The following ZNF445 variants were observed in gnomAD, a reference collection of about 807,000 sequenced individuals.
ZNF445 encodes zinc finger protein 168.
In ZNF445, 19 loss-of-function variants were observed where a neutral mutation model predicts 93.9. The ratio of observed to expected loss-of-function variants is 0.20; its 90% confidence interval spans 0.14 to 0.30. ZNF445 has a LOEUF of 0.30. Ranked by LOEUF, ZNF445 falls within the 10% of genes least tolerant of loss-of-function variation. The pLI is 1.00. For missense variants in ZNF445, 1,058 were observed against 1,259.4 expected (o/e 0.84, Z 2.42); for synonymous variants, 449 against 446.3 (o/e 1.01, Z -0.08).
chr3:44,455,730 T>C (rs1275794191), intron 2 of ZNF445, 34 bp from the exon 3 acceptor site: 2 of 600,136 alleles, frequency 3.3e-6, no homozygotes, highest in African/African-American at 1.9e-5. Flanking sequence ...TAATGTCCAT[T>C]ATACATGGTG....
chr3:44,455,056 C>A, intron 3 of ZNF445, 65 bp downstream of exon 3: 2 of 1,600,598 alleles, frequency 1.2e-6, no homozygotes, highest in Admixed American at 1.7e-5. Flanking sequence ...CCACCCCCAT[C>A]CCCAGACAAG....
rs942722205 is a variant in ZNF445, at chr3:44,460,351, A to T, written c.-268-1987T>A. On this transcript the variant is annotated intron_variant, in intron 1 of 7. Transcript: ENST00000396077. Reference sequence around the variant, plus strand: ...GAGATTAACAACCCTTTCCCAAAGCAGATCTCCTTCTTGCCTGGGGACTAG... The same window carrying T: ...GAGATTAACAACCCTTTCCCAAAGCTGATCTCCTTCTTGCCTGGGGACTAG... 4.6e-5 allele frequency among the ~76,000 whole-genome samples: 7 copies of T among 152,348 alleles called. No individual in the cohort carries two copies. In the East Asian group the frequency reaches 1.3e-3, roughly 29 times the overall value.
chr3:44,457,883 T>G (rs962641928), intron 2 of ZNF445, among the ~76,000 whole-genome samples: 6 of 151,770 alleles, frequency 4.0e-5, no homozygotes, highest in Admixed American at 3.9e-4. Context: ...CGTGATGGCA[T>G]GCGCCTGTAA....
At chr3:44,452,571 T>A (rs1319750127) in intron 3 of ZNF445, among the ~76,000 whole-genome samples, 1 of 152,350 alleles carries the variant, frequency 6.6e-6, no homozygotes, top group East Asian at 1.9e-4. Flanking sequence ...AGGTAGGCCC[T>A]TTCTGCTCAT....
chr3:44,442,065 A>G lies in ZNF445; in HGVS notation c.*4510T>C, dbSNP rs1423027268. 6.6e-6 allele frequency: 1 copy of G among 152,156 alleles called. No individual in the cohort carries two copies. The highest frequency in any genetic ancestry group is 1.5e-5 in the Non-Finnish European group (1 of 68,038). The allele number at this position is 152,156 out of a possible 1,614,324, so 9.4% of individuals were successfully genotyped here. ...TATCCCATTTTACAGAAAAAGTGAA[A>G]AACAAGTTGAAGTAACGTGCCCACA... On this transcript the variant is annotated 3_prime_UTR_variant, in exon 8 of 8. Transcript: ENST00000396077.
Position 44,447,021 on chromosome 3 carries a change from C to T in ZNF445, c.2650G>A (p.Val884Ile), listed in dbSNP as rs747399110. The change falls in exon 8 of 8, where the codon GTT becomes ATT. Residue 884 changes from valine to isoleucine, a missense_variant. Coordinates refer to ENST00000396077, the MANE Select transcript of ZNF445 (RefSeq NM_181489.6). The surrounding 1 kb of genome is among the most constrained non-coding windows in gnomAD (Gnocchi z 4.7). Reference protein sequence around the residue: ...GKSYDRNYRLVNHQRIHSTER... With the variant: ...GKSYDRNYRLINHQRIHSTER... ...GTAGAGTGGATCCTCTGATGGTTAACAAGGCGATAGTTTCTATCATAAGAT... is the reference window on the plus strand; with the variant it reads ...GTAGAGTGGATCCTCTGATGGTTAATAAGGCGATAGTTTCTATCATAAGAT... 6 of 1,614,198 alleles carry T rather than the reference C, an allele frequency of 3.7e-6. No homozygotes were observed. The highest frequency in any genetic ancestry group is 1.3e-5 in the African/African-American group (1 of 75,044).
Position 44,447,259 on chromosome 3 carries a change from A to T in ZNF445, c.2412T>A (p.Asn804Lys). The change falls in exon 8 of 8, where the codon AAT becomes AAA. Residue 804 changes from asparagine to lysine, a missense_variant. By Grantham distance (94) the Asn-to-Lys change is moderately conservative. Around this residue, in one of 3 missense-constraint regions of ZNF445, gnomAD observed 387 missense variants for 475.7 expected, o/e 0.81. Coordinates refer to ENST00000396077, the MANE Select transcript of ZNF445 (RefSeq NM_181489.6). This position sits in a 1 kb window ranked among gnomAD's most constrained non-coding sequence, Gnocchi z 4.7. ...AGTGAATCCTCTGATGTCGGTAGAG[A>T]TTGGAACTCCATCTGAAGGCTTTCC... Reference protein sequence around the residue: ...ECGKAFRWSSNLYRHQRIHSL... With the variant: ...ECGKAFRWSSKLYRHQRIHSL... 1 of 1,614,046 alleles carries T rather than the reference A, an allele frequency of 6.2e-7. No individual in the cohort carries two copies. Among genetic ancestry groups the T allele is most frequent in the Non-Finnish European group, 8.5e-7 (1 of 1,180,012 alleles).
chr3:44,449,301 G>A (rs1410594011), intron 7 of ZNF445, among the ~76,000 whole-genome samples: 2 of 152,092 alleles, frequency 1.3e-5, no homozygotes, highest in African/African-American at 4.8e-5. Flanking sequence ...CTGTGAGAAG[G>A]GGACAGGAGA....
chr3:44,436,557 CCTT>C lies in ZNF445; in HGVS notation c.*10015_*10017del, dbSNP rs1202421166. ...GATAAATACTCAAGCATTTTTATCT[CCTT>C]AAGCATTTACATATCTTCCTCTACA... is the stretch of plus-strand genomic sequence containing the variant. On this transcript the variant is annotated 3_prime_UTR_variant, in exon 8 of 8. Coordinates refer to ENST00000396077, the MANE Select transcript of ZNF445 (RefSeq NM_181489.6). The C allele has an allele frequency of 6.6e-6, 1 of 152,176 alleles. No homozygotes were observed. Among genetic ancestry groups the C allele is most frequent in the African/African-American group, 2.4e-5 (1 of 41,452 alleles). The allele number at this position is 152,176 out of a possible 1,614,324, so 9.4% of individuals were successfully genotyped here.
At position 44,435,372 on chromosome 3, in the gene ZNF445, A is replaced by G. The variant is rs1559385380; in HGVS notation, c.*11203T>C. ...CAAACCTGGGCCTGGCTCAGTAACA[A>G]CTGCAAACCAGTTGTCAGACGTATC... On this transcript the variant is annotated 3_prime_UTR_variant, in exon 8 of 8. Coordinates refer to ENST00000396077, the MANE Select transcript of ZNF445 (RefSeq NM_181489.6). The G allele has an allele frequency of 1.3e-5, 2 of 152,222 alleles. No homozygotes were observed. The highest frequency in any genetic ancestry group is 2.9e-5 in the Non-Finnish European group (2 of 68,042). The allele number at this position is 152,222 out of a possible 1,614,324, so 9.4% of individuals were successfully genotyped here.
In ZNF445 at chr3:44,447,483, T is replaced by G. The variant is rs761291533; in HGVS notation, c.2188A>C (p.Lys730Gln). Residue 730 changes from lysine to glutamine, a missense_variant, in exon 8 of 8, where the codon AAG (lysine) becomes CAG (glutamine). Coordinates refer to ENST00000396077, the MANE Select transcript of ZNF445 (RefSeq NM_181489.6). This position sits in a 1 kb window ranked among gnomAD's most constrained non-coding sequence, Gnocchi z 4.7. ...TCAGGTTTTCTTTTCATGGCATGCT[T>G]CTTCTTATGAACAATAAAGGCTGAC... ...YRSAFIVHKK[K>Q]HAMKRKPEGG... 1.8e-5 allele frequency: 29 copies of G among 1,614,086 alleles called. No individual in the cohort carries two copies. The highest frequency in any genetic ancestry group is 2.3e-5 in the Non-Finnish European group (27 of 1,180,040).
intron 1 of ZNF445, among the ~76,000 whole-genome samples, chr3:44,464,063 T>C (rs1390639832): frequency 6.6e-6 from 1 of 151,992 alleles, no homozygotes; most frequent in Non-Finnish European, 1.5e-5. Flanking sequence ...GAAGTGGAGG[T>C]TGCAGTGAGC....
chr3:44,466,814 T>C (rs1432427736), intron 1 of ZNF445, among the ~76,000 whole-genome samples: 2 of 152,266 alleles, frequency 1.3e-5, no homozygotes, highest in African/African-American at 4.8e-5. Context: ...TTTGTTTAAA[T>C]ATGTTATCAG....
chr3:44,446,204 C>A lies in ZNF445; in HGVS notation c.*371G>T. On this transcript the variant is annotated 3_prime_UTR_variant, in exon 8 of 8. Coordinates refer to ENST00000396077, the MANE Select transcript of ZNF445 (RefSeq NM_181489.6). The surrounding 1 kb of genome is among the most constrained non-coding windows in gnomAD (Gnocchi z 4.2). Reference sequence around the variant, plus strand: ...GAAGACAAATCTAGGATCCCACTGGCCCCTTTCCAGCAGCCATAGCCCATG... The same window carrying A: ...GAAGACAAATCTAGGATCCCACTGGACCCTTTCCAGCAGCCATAGCCCATG... The A allele has an allele frequency of 4.3e-6, 1 of 234,014 alleles. No individual in the cohort carries two copies. The highest frequency in any genetic ancestry group is 8.4e-6 in the Non-Finnish European group (1 of 119,432). 14.5% of individuals were successfully genotyped at this position (234,014 alleles called of 1,614,324 possible). A position where few individuals can be genotyped will look rare whatever the true frequency, so the allele number is the denominator to read the frequency against.
Position 44,451,371 on chromosome 3 carries a change from C to T in ZNF445, c.541G>A (p.Asp181Asn), listed in dbSNP as rs2125679554. The T allele has an allele frequency of 2.5e-6, 4 of 1,614,148 alleles. No homozygotes were observed. The highest frequency in any genetic ancestry group is 1.1e-5 in the South Asian group (1 of 91,078). ...SPLRSSSALG[D>N]HLEPPYEIEA... ...ATTTCATAGGGAGGCTCCAGGTGGT[C>T]CCCCAGAGCAGAGCTGCTCCTGAGA... Residue 181 changes from aspartate (D) to asparagine (N), a missense_variant, in exon 4 of 8, where the codon GAC (aspartate) becomes AAC (asparagine). Physicochemically the swap from Asp to Asn is conservative, Grantham distance 23. This residue lies in a region of ZNF445 where 657 missense variants were observed against 746.4 expected (regional missense o/e 0.88). Coordinates refer to ENST00000396077, the MANE Select transcript of ZNF445 (RefSeq NM_181489.6).
In ZNF445 at chr3:44,447,638, T is replaced by C. The variant is rs1322929540; in HGVS notation, c.2033A>G (p.Glu678Gly). 6 of 1,613,990 alleles carry C rather than the reference T, an allele frequency of 3.7e-6. No homozygotes were observed. Among genetic ancestry groups the C allele is most frequent in the Non-Finnish European group, 4.2e-6 (5 of 1,180,034 alleles). Residue 678 changes from glutamate to glycine, a missense_variant, in exon 8 of 8, where the codon GAG becomes GGG. Coordinates refer to ENST00000396077, the MANE Select transcript of ZNF445 (RefSeq NM_181489.6). The surrounding 1 kb of genome is among the most constrained non-coding windows in gnomAD (Gnocchi z 4.7). ...ACACTGCTGACACAGAAATGTTTTC[T>C]CCACAGCGGGAGCACCCTGGGGCTG... ...CSQPQGAPAV[E>G]KTFLCQQCGK...
rs1697750781 is a variant in ZNF445 at position 44,438,961 on chromosome 3, T to C, written c.*7614A>G. ...GCAGCGCACCAGCATGGCACATGTA[T>C]ACATATGTAACTAACCTGCACATTG... is the stretch of plus-strand genomic sequence containing the variant. On this transcript the variant is annotated 3_prime_UTR_variant, in exon 8 of 8. Coordinates refer to ENST00000396077, the MANE Select transcript of ZNF445 (RefSeq NM_181489.6). 1 of 148,196 alleles carries C rather than the reference T, an allele frequency of 6.7e-6. No individual in the cohort carries two copies. Among genetic ancestry groups the C allele is most frequent in the African/African-American group, 2.5e-5 (1 of 40,108 alleles). The allele number at this position is 148,196 out of a possible 1,614,324, so 9.2% of individuals were successfully genotyped here.
intron 1 of ZNF445, among the ~76,000 whole-genome samples, chr3:44,460,779 T>C (rs564447314): frequency 1.3e-5 from 2 of 152,364 alleles, no homozygotes; most frequent in Non-Finnish European, 2.9e-5. Context: ...CTTTCTCTAT[T>C]GCAATTCCCC....
chr3:44,464,605 T>C (rs1698166128), intron 1 of ZNF445, among the ~76,000 whole-genome samples: 1 of 152,226 alleles, frequency 6.6e-6, no homozygotes, highest in African/African-American at 2.4e-5. Flanking sequence ...TAAATTAAGA[T>C]ATCAGATTTG....
Sources: allele counts gnomAD v4.1 joint callset (sites outside exome capture counted in the v4.1 genomes callset), GRCh38; gene constraint gnomAD v4.1.1; regional missense constraint gnomAD v4.1.1; non-coding constraint Gnocchi (gnomAD v3.1); transcripts MANE v1.5; gene names NCBI Gene and HGNC (gene_info 2026-07-23, HGNC 2026-07-21).